Variants in RCOR3 observed in about 807,000 individuals in gnomAD.
The protein encoded by RCOR3 is REST corepressor 3.
In RCOR3, 13 loss-of-function variants were observed where a neutral mutation model predicts 64.1. The observed-to-expected ratio is 0.20, with a 90% CI of 0.13 to 0.32. The LOEUF is 0.32. Among genes scored for constraint, RCOR3 ranks in the 10% least tolerant of loss-of-function variants. The probability of loss-of-function intolerance (pLI) is 1.00; values close to 1 mark genes in which losing one functional copy is unlikely to be tolerated. For synonymous variants in RCOR3, 215 were observed against 239.0 expected, an observed-to-expected ratio of 0.90 and a Z score of 0.93; for missense variants, 489 against 701.2, an observed-to-expected ratio of 0.70 and a Z score of 3.42.
chr1:211,278,055 AT>A, intron 5 of RCOR3, 61 bp from the exon 6 acceptor site: 1 of 1,339,940 alleles, frequency 7.5e-7, no homozygotes, highest in South Asian at 1.3e-5. Flanking sequence ...TAAAGATATC[AT>A]CAAAATTATT....
intron 2 of RCOR3, among the ~76,000 whole-genome samples, chr1:211,266,897 A>G (rs1695297680): frequency 1.3e-5 from 2 of 152,238 alleles, no homozygotes; most frequent in Admixed American, 6.5e-5. Flanking sequence ...TGAGAAAAAC[A>G]TAATGGGTCA....
At chr1:211,288,397 A>C (rs1698815093) in intron 7 of RCOR3, among the ~76,000 whole-genome samples, 2 of 148,662 alleles carry the variant, frequency 1.3e-5, no homozygotes, top group Non-Finnish European at 1.5e-5. Context: ...TCCGAGACAT[A>C]AATTTACTTT....
At chr1:211,311,156 T>G (rs1701449549) in intron 10 of RCOR3, among the ~76,000 whole-genome samples, 1 of 152,198 alleles carries the variant, frequency 6.6e-6, no homozygotes, top group Non-Finnish European at 1.5e-5. Context: ...CAGTGGAATC[T>G]AGTCACTATT....
intron 9 of RCOR3, among the ~76,000 whole-genome samples, chr1:211,298,482 A>G (rs1474777460): frequency 6.6e-6 from 1 of 152,232 alleles, no homozygotes; most frequent in Admixed American, 6.5e-5. Flanking sequence ...GTCAACAGGT[A>G]TTCCCTGAGC....
At chr1:211,295,876 T>A in intron 9 of RCOR3, 123 bp downstream of exon 9, 2 of 624,502 alleles carry the variant, frequency 3.2e-6, no homozygotes, top group Non-Finnish European at 2.8e-6. Context: ...ATAATATGGA[T>A]AATTTATTAT....
At chr1:211,281,654 G>GA (rs1168535848) in intron 7 of RCOR3, among the ~76,000 whole-genome samples, 2 of 152,136 alleles carry the variant, frequency 1.3e-5, no homozygotes. Flanking sequence ...ATGTCGTTTA[G>GA]TTCCCTGGCT....
At chr1:211,297,181 T>A (rs1371727567) in intron 9 of RCOR3, among the ~76,000 whole-genome samples, 1 of 152,148 alleles carries the variant, frequency 6.6e-6, no homozygotes. Context: ...AAAGGATAAT[T>A]CTAATCTCAT....
chr1:211,309,153 C>T (rs1296254539), intron 10 of RCOR3, among the ~76,000 whole-genome samples: 1 of 148,848 alleles, frequency 6.7e-6, no homozygotes, highest in Non-Finnish European at 1.5e-5. Flanking sequence ...ATAAATTCTC[C>T]TGAAGTTACC....
At chr1:211,289,813 T>C (rs1372869540) in intron 8 of RCOR3, among the ~76,000 whole-genome samples, 1 of 152,162 alleles carries the variant, frequency 6.6e-6, no homozygotes, top group African/African-American at 2.4e-5. Flanking sequence ...GTAGTACTAG[T>C]AGTATTGTAA....
At position 211,313,494 on chromosome 1, in the gene RCOR3, C is replaced by T. The variant is rs1319506950; in HGVS notation, c.1388C>T (p.Thr463Ile). 2 of 1,614,042 alleles carry T rather than the reference C, an allele frequency of 1.2e-6. No individual in the cohort carries two copies. Among genetic ancestry groups the T allele is most frequent in the Non-Finnish European group, 1.7e-6 (2 of 1,180,040 alleles). Residue 463 changes from threonine to isoleucine, a missense_variant, in exon 12 of 12, where the codon ACA becomes ATA. Physicochemically the swap from Thr to Ile is moderately conservative, Grantham distance 89. Coordinates refer to ENST00000419091, the MANE Select transcript of RCOR3 (RefSeq NM_001136223.3). The surrounding 1 kb of genome is among the most constrained non-coding windows in gnomAD (Gnocchi z 4.7). ...GCCCCATCATCCACTCCAACACCAACAGCCCCTATTGCCACTCTGAACCAG... is the reference window on the plus strand; with the variant it reads ...GCCCCATCATCCACTCCAACACCAATAGCCCCTATTGCCACTCTGAACCAG... Reference protein sequence around the residue: ...PPAPSSTPTPTAPIATLNQPP... With the variant: ...PPAPSSTPTPIAPIATLNQPP...
intron 8 of RCOR3, among the ~76,000 whole-genome samples, chr1:211,294,125 C>T (rs773881647): frequency 1.3e-5 from 2 of 152,142 alleles, no homozygotes; most frequent in Non-Finnish European, 2.9e-5. Flanking sequence ...AAAATTTGAG[C>T]ATAACATGAA....
rs749663038 is a variant in RCOR3 at position 211,259,563 on chromosome 1, G to GC, written c.6dup (p.Gly3ArgfsTer69). On this transcript the variant is annotated frameshift_variant, in exon 1 of 12. Coordinates refer to ENST00000419091, the MANE Select transcript of RCOR3 (RefSeq NM_001136223.3). LOFTEE classifies it high-confidence loss of function. ...CTTTCCCCCTCCCCTGTTCTACCAT[G>GC]CCCGGCATGATGGAGAAAGGGCCCG... 6.5e-7 allele frequency: 1 copy of GC among 1,544,502 alleles called. No homozygotes were observed. The highest frequency in any genetic ancestry group is 1.2e-5 in the South Asian group (1 of 83,870).
chr1:211,294,144 T>G (rs1699574672), intron 8 of RCOR3, among the ~76,000 whole-genome samples: 1 of 152,234 alleles, frequency 6.6e-6, no homozygotes, highest in South Asian at 2.1e-4. Context: ...AATTTTTTGT[T>G]TGTTTATGTA....
chr1:211,306,682 A>C (rs1429558940), intron 10 of RCOR3, among the ~76,000 whole-genome samples: 1 of 152,172 alleles, frequency 6.6e-6, no homozygotes, highest in Non-Finnish European at 1.5e-5. Flanking sequence ...GTAGGGCTTA[A>C]ATATGTATTT....
Position 211,259,427 on chromosome 1 carries a change from A to C in RCOR3, c.-134A>C. ...GCGGTTATGGCGGCTCCATATTAAC[A>C]GCCTCCTCCTCCTCCGCCGCCGCCG... On this transcript the variant is annotated 5_prime_UTR_variant, in exon 1 of 12. Coordinates refer to ENST00000419091, the MANE Select transcript of RCOR3 (RefSeq NM_001136223.3). 1 of 840,322 alleles carries C rather than the reference A, an allele frequency of 1.2e-6. No homozygotes were observed. The highest frequency in any genetic ancestry group is 1.9e-5 in the African/African-American group (1 of 53,278). The allele number at this position is 840,322 out of a possible 1,614,324, so 52.1% of individuals were successfully genotyped here. A position where few individuals can be genotyped will look rare whatever the true frequency, so the allele number is the denominator to read the frequency against.
In RCOR3 at chr1:211,274,198, A is replaced by G. The variant is rs1288541762; in HGVS notation, c.302-12A>G. On this transcript the variant is annotated splice_polypyrimidine_tract_variant and intron_variant, in intron 3 of 11. Transcript: ENST00000419091. ...TGAGAATAATTAATTATATAACATT[A>G]TTTCATTGCAGTGGATGAATACATT... 6.4e-7 allele frequency: 1 copy of G among 1,561,990 alleles called. No individual in the cohort carries two copies.
At chr1:211,265,179 A>G (rs2102432141) in intron 2 of RCOR3, among the ~76,000 whole-genome samples, 1 of 152,332 alleles carries the variant, frequency 6.6e-6, no homozygotes, top group Admixed American at 6.5e-5. Context: ...CTGAGTTTAA[A>G]TAGTTGAAAA....
At chr1:211,278,680 T>C (rs1161051922) in intron 6 of RCOR3, among the ~76,000 whole-genome samples, 1 of 152,180 alleles carries the variant, frequency 6.6e-6, no homozygotes, top group African/African-American at 2.4e-5. Context: ...ATATTTCTTT[T>C]TAAATCCCTT....
intron 10 of RCOR3, among the ~76,000 whole-genome samples, chr1:211,307,355 G>T (rs1228998978): frequency 6.6e-6 from 1 of 152,012 alleles, no homozygotes; most frequent in African/African-American, 2.4e-5. Flanking sequence ...CAGGTATGGT[G>T]GTGCACACGT....
Sources: allele counts gnomAD v4.1 joint callset (sites outside exome capture counted in the v4.1 genomes callset), GRCh38; gene constraint gnomAD v4.1.1; non-coding constraint Gnocchi (gnomAD v3.1); transcripts MANE v1.5; gene names NCBI Gene and HGNC (gene_info 2026-07-23, HGNC 2026-07-21).